Variants in GALNT10 observed in about 807,000 individuals in gnomAD.
GALNT10 encodes polypeptide N-acetylgalactosaminyltransferase 10.
Under a neutral mutation model 75.0 loss-of-function variants are expected in GALNT10, and 41 were observed. That is an observed-to-expected ratio of 0.55 (90% CI 0.43 to 0.71). The LOEUF is 0.71. Ranked by LOEUF, GALNT10 falls within the 30% of genes least tolerant of loss-of-function variation. GALNT10 has a pLI of 0.00. For missense variants in GALNT10, 727 were observed against 818.5 expected, an observed-to-expected ratio of 0.89 and a Z score of 1.36; for synonymous variants, 302 against 313.0, an observed-to-expected ratio of 0.96 and a Z score of 0.37.
At chr5:154,214,785 G>A (rs533976851) in intron 1 of GALNT10, among the ~76,000 whole-genome samples, 12 of 152,242 alleles carry the variant, frequency 7.9e-5, no homozygotes, top group South Asian at 6.2e-4. Context: ...AAGACAAAAA[G>A]GGGAGAAGAT....
At chr5:154,360,121 A>G (rs1208681108) in intron 4 of GALNT10, among the ~76,000 whole-genome samples, 2 of 152,140 alleles carry the variant, frequency 1.3e-5, no homozygotes, top group Non-Finnish European at 2.9e-5. Context: ...AAGCAATGCC[A>G]TATCTCTAAT....
intron 1 of GALNT10, among the ~76,000 whole-genome samples, chr5:154,216,534 A>G (rs1391451340): frequency 1.3e-5 from 2 of 152,190 alleles, no homozygotes; most frequent in African/African-American, 4.8e-5. Context: ...AGTTCAGATT[A>G]TTTGTGTTCA....
intron 1 of GALNT10, among the ~76,000 whole-genome samples, chr5:154,192,240 A>G (rs1346529775): frequency 1.3e-5 from 2 of 152,206 alleles, no homozygotes; most frequent in African/African-American, 4.8e-5. Context: ...GCTCTTTGCT[A>G]CAGAGCTGAC....
intron 9 of GALNT10, among the ~76,000 whole-genome samples, chr5:154,410,854 T>C (rs1756384679): frequency 6.6e-6 from 1 of 152,190 alleles, no homozygotes; most frequent in Non-Finnish European, 1.5e-5. Context: ...TCCCATCAGA[T>C]TTCACTTACA....
chr5:154,214,476 A>G (rs1752834052), intron 1 of GALNT10, among the ~76,000 whole-genome samples: 2 of 152,192 alleles, frequency 1.3e-5, no homozygotes, highest in Admixed American at 1.3e-4. Context: ...AAAAGGAGAA[A>G]AAAAACCCCA....
At chr5:154,306,858 A>T (rs1045981647) in intron 3 of GALNT10, among the ~76,000 whole-genome samples, 1 of 152,180 alleles carries the variant, frequency 6.6e-6, no homozygotes, top group East Asian at 1.9e-4. Flanking sequence ...GATATAGTAG[A>T]CTCTCACAGC....
chr5:154,374,728 A>C (rs1179487216), intron 4 of GALNT10, among the ~76,000 whole-genome samples: 1 of 152,172 alleles, frequency 6.6e-6, no homozygotes, highest in Non-Finnish European at 1.5e-5. Context: ...CGTGGAGGGA[A>C]AGCCTTCTCT....
At chr5:154,339,836 G>A (rs1755003821) in intron 4 of GALNT10, among the ~76,000 whole-genome samples, 2 of 152,100 alleles carry the variant, frequency 1.3e-5, no homozygotes, top group Non-Finnish European at 2.9e-5. Flanking sequence ...AACATAGTGT[G>A]GGGGAGTAAA....
chr5:154,384,253 T>C (rs182968638), intron 6 of GALNT10, among the ~76,000 whole-genome samples: 2 of 152,288 alleles, frequency 1.3e-5, no homozygotes, highest in South Asian at 2.1e-4. Context: ...ATAGGAAGTA[T>C]AGCTATCACT....
chr5:154,276,042 T>C (rs1309098187), intron 1 of GALNT10, among the ~76,000 whole-genome samples: 1 of 152,244 alleles, frequency 6.6e-6, no homozygotes, highest in Non-Finnish European at 1.5e-5. Flanking sequence ...TGTTGCTGTG[T>C]AACAAGTCGC....
intron 3 of GALNT10, among the ~76,000 whole-genome samples, chr5:154,302,501 GC>G (rs1449957282): frequency 6.6e-6 from 1 of 152,236 alleles, no homozygotes; most frequent in Non-Finnish European, 1.5e-5. Flanking sequence ...GAGCGTGGAG[GC>G]CCCTCCAGAG....
chr5:154,217,382 C>T (rs1377166928), intron 1 of GALNT10, among the ~76,000 whole-genome samples: 1 of 152,186 alleles, frequency 6.6e-6, no homozygotes, highest in East Asian at 1.9e-4. Context: ...TTACATCTCC[C>T]TTCCTGCCTT....
intron 1 of GALNT10, among the ~76,000 whole-genome samples, chr5:154,279,296 G>GTTTTTTTTTTTTTT (rs111488218): frequency 2.4e-5 from 2 of 83,846 alleles, no homozygotes; most frequent in Non-Finnish European, 2.8e-5. Context: ...TGTTGTTGTT[G>GTTTTTTTTTTTTTT]TTGTTTTGTT....
intron 1 of GALNT10, among the ~76,000 whole-genome samples, chr5:154,237,554 G>A (rs1010216568): frequency 1.3e-5 from 2 of 152,158 alleles, no homozygotes; most frequent in African/African-American, 2.4e-5. Flanking sequence ...GACAGATCCC[G>A]GTTCCCCTTG....
chr5:154,403,987 G>A (rs1756220142), intron 7 of GALNT10, 117 bp from the exon 8 acceptor site: 2 of 807,668 alleles, frequency 2.5e-6, no homozygotes, highest in Non-Finnish European at 4.4e-6. Flanking sequence ...TGTGATCCAG[G>A]CTTCAGCAGA....
At chr5:154,277,795 T>C (rs1469814336) in intron 1 of GALNT10, among the ~76,000 whole-genome samples, 1 of 152,210 alleles carries the variant, frequency 6.6e-6, no homozygotes, top group African/African-American at 2.4e-5. Context: ...GTACTCATTA[T>C]CAACACCCAG....
chr5:154,407,599 C>T (rs1353522577), intron 8 of GALNT10, among the ~76,000 whole-genome samples: 2 of 152,164 alleles, frequency 1.3e-5, no homozygotes, highest in Non-Finnish European at 2.9e-5. Context: ...CCCTCATTAC[C>T]TCTGTGACTC....
At chr5:154,214,882 A>C (rs939605413) in intron 1 of GALNT10, among the ~76,000 whole-genome samples, 1 of 152,226 alleles carries the variant, frequency 6.6e-6, no homozygotes, top group Non-Finnish European at 1.5e-5. Context: ...CAGAGCAATT[A>C]CTTAAACTCA....
At chr5:154,211,739 C>T (rs1336467851) in intron 1 of GALNT10, among the ~76,000 whole-genome samples, 2 of 152,122 alleles carry the variant, frequency 1.3e-5, no homozygotes, top group African/African-American at 2.4e-5. Flanking sequence ...AATCTACTTC[C>T]AAGATGGCTC....
Sources: gnomAD v4.1 joint callset for allele counts (sites outside exome capture counted in the v4.1 genomes callset) on GRCh38, gnomAD v4.1.1 for gene constraint, MANE v1.5 for transcripts, NCBI Gene and HGNC (gene_info 2026-07-23, HGNC 2026-07-21) for gene names.